The following SLC24A2 variants were observed in gnomAD, a reference collection of about 807,000 sequenced individuals.
The protein encoded by SLC24A2 is sodium/potassium/calcium exchanger 2.
SLC24A2 carries 36 observed loss-of-function variants against 62.0 expected under a neutral mutation model. The observed-to-expected ratio is 0.58, with a 90% CI of 0.44 to 0.77. The LOEUF (loss-of-function observed/expected upper bound fraction) is 0.77, where lower values mean the gene tolerates loss of function less well. Among genes scored for constraint, SLC24A2 ranks in the 30% least tolerant of loss-of-function variants. The probability of loss-of-function intolerance (pLI) is 0.00; values close to 1 mark genes in which losing one functional copy is unlikely to be tolerated. For missense variants in SLC24A2, 846 were observed against 817.9 expected (o/e 1.03, Z -0.42); for synonymous variants, 358 against 294.0 (o/e 1.22, Z -2.23).
chr9:19,515,094 A>G lies in SLC24A2; in HGVS notation c.*1059T>C, dbSNP rs1238629556. 6.6e-6 allele frequency: 1 copy of G among 152,144 alleles called. No homozygotes were observed. Among genetic ancestry groups the G allele is most frequent in the African/African-American group, 2.4e-5 (1 of 41,430 alleles). The allele number at this position is 152,144 out of a possible 1,614,324, so 9.4% of individuals were successfully genotyped here. On this transcript the variant is annotated 3_prime_UTR_variant, in exon 11 of 11. Transcript: ENST00000341998. ...AGCATCAAAATATATCTACATGACAATCACAGCTAAACTTACCCCTCTTCT... is the reference window on the plus strand; with the variant it reads ...AGCATCAAAATATATCTACATGACAGTCACAGCTAAACTTACCCCTCTTCT...
At chr9:20,065,619 A>G in the SLC24A2 span, among the ~76,000 whole-genome samples, 7 of 152,316 alleles carry the variant, frequency 4.6e-5, no homozygotes, top group South Asian at 1.5e-3. Flanking sequence ...GGGTTCAAAA[A>G]TCTTTTTTGC....
chr9:19,567,382 T>TA (rs1291163510), intron 7 of SLC24A2, among the ~76,000 whole-genome samples: 1 of 151,264 alleles, frequency 6.6e-6, no homozygotes, highest in Non-Finnish European at 1.5e-5. Flanking sequence ...CTGTCTCTAC[T>TA]AAAAATACAA....
the SLC24A2 span, among the ~76,000 whole-genome samples, chr9:20,175,266 G>A: frequency 8.6e-4 from 130 of 151,876 alleles, no homozygotes; most frequent in African/African-American, 2.8e-3. Flanking sequence ...GATAAAAAAC[G>A]ACAAATTGGG....
the SLC24A2 span, among the ~76,000 whole-genome samples, chr9:20,018,545 CCTT>C: frequency 2.0e-5 from 3 of 152,062 alleles, no homozygotes; most frequent in Non-Finnish European, 2.9e-5. Context: ...TCCATTTTCT[CCTT>C]CTTCTTCATG....
the SLC24A2 span, among the ~76,000 whole-genome samples, chr9:19,845,216 TA>T: frequency 6.6e-6 from 1 of 152,182 alleles, no homozygotes; most frequent in African/African-American, 2.4e-5. Flanking sequence ...ATTCTCCTTG[TA>T]AAGATCTTTC....
At chr9:20,133,356 T>C in the SLC24A2 span, among the ~76,000 whole-genome samples, 1 of 152,116 alleles carries the variant, frequency 6.6e-6, no homozygotes, top group Non-Finnish European at 1.5e-5. Context: ...ACATAAAATA[T>C]CTCACAGGGC....
the SLC24A2 span, among the ~76,000 whole-genome samples, chr9:19,992,551 T>C: frequency 8.5e-5 from 13 of 152,206 alleles, no homozygotes; most frequent in Non-Finnish European, 1.5e-4. Flanking sequence ...GTTCATTAAC[T>C]GATTAAAAAC....
chr9:19,728,272 A>G (rs1297020176), intron 2 of SLC24A2, among the ~76,000 whole-genome samples: 1 of 151,382 alleles, frequency 6.6e-6, no homozygotes, highest in Non-Finnish European at 1.5e-5. Context: ...GTTGCTTCGT[A>G]TGACTGGCAT....
the SLC24A2 span, among the ~76,000 whole-genome samples, chr9:19,952,902 A>C: frequency 6.6e-6 from 1 of 151,906 alleles, no homozygotes; most frequent in Non-Finnish European, 1.5e-5. Context: ...ATGTTTGATA[A>C]GGTTTATAAT....
rs550911162 is a variant in SLC24A2, at chr9:19,617,235, G to A, written c.1078+2349C>T. On this transcript the variant is annotated intron_variant, in intron 4 of 10. Coordinates refer to ENST00000341998, the MANE Select transcript of SLC24A2 (RefSeq NM_020344.4). ...AGTTCGCAATAGGGTTCGGCCCCCT[G>A]TGAGAATCTAATGCAAATGCTGATT... 1.5e-4 allele frequency among the ~76,000 whole-genome samples: 23 copies of A among 152,298 alleles called. No individual in the cohort carries two copies. In the South Asian group the frequency reaches 3.7e-3, roughly 25 times the overall value.
At chr9:19,836,317 T>C in the SLC24A2 span, among the ~76,000 whole-genome samples, 2 of 151,700 alleles carry the variant, frequency 1.3e-5, no homozygotes, top group African/African-American at 4.8e-5. Flanking sequence ...TCAACAAAAT[T>C]GATAGACCAC....
chr9:20,270,820 T>C, the SLC24A2 span, among the ~76,000 whole-genome samples: 3 of 152,222 alleles, frequency 2.0e-5, no homozygotes, highest in African/African-American at 7.2e-5. Context: ...TTTTATACAA[T>C]AAAAATTTGA....
intron 2 of SLC24A2, among the ~76,000 whole-genome samples, chr9:19,723,214 T>C (rs763836607): frequency 5.3e-5 from 8 of 152,148 alleles, no homozygotes; most frequent in Non-Finnish European, 1.0e-4. Flanking sequence ...TTACAATAAA[T>C]CTCCAAATAG....
the SLC24A2 span, among the ~76,000 whole-genome samples, chr9:20,289,323 T>A: frequency 6.6e-5 from 10 of 152,190 alleles, no homozygotes; most frequent in African/African-American, 2.4e-4. Flanking sequence ...CAATAAATTA[T>A]TGTAATCACC....
At chr9:19,685,898 CA>C (rs1258683653) in intron 2 of SLC24A2, among the ~76,000 whole-genome samples, 3 of 151,898 alleles carry the variant, frequency 2.0e-5, no homozygotes, top group African/African-American at 7.3e-5. Flanking sequence ...ACAAATGCAA[CA>C]AAAACAAAAA....
the SLC24A2 span, among the ~76,000 whole-genome samples, chr9:19,916,850 A>G: frequency 6.6e-6 from 1 of 151,920 alleles, no homozygotes; most frequent in East Asian, 1.9e-4. Flanking sequence ...GATAGATGCT[A>G]TAAGTAGAAT....
chr9:19,977,046 T>C, the SLC24A2 span, among the ~76,000 whole-genome samples: 2 of 152,068 alleles, frequency 1.3e-5, no homozygotes, highest in Non-Finnish European at 2.9e-5. Flanking sequence ...GCAATATGTA[T>C]TTTTTACACA....
At chr9:20,258,366 C>T in the SLC24A2 span, among the ~76,000 whole-genome samples, 1 of 152,116 alleles carries the variant, frequency 6.6e-6, no homozygotes, top group Admixed American at 6.5e-5. Flanking sequence ...ATTGGGCTGC[C>T]CCAGGTTTAT....
At chr9:20,052,300 C>T in the SLC24A2 span, among the ~76,000 whole-genome samples, 3 of 152,278 alleles carry the variant, frequency 2.0e-5, no homozygotes, top group Middle Eastern at 3.4e-3. Flanking sequence ...CTTTCTCCCC[C>T]AACTAAGATG....
Sources: gnomAD v4.1 joint callset for allele counts (sites outside exome capture counted in the v4.1 genomes callset) on GRCh38, gnomAD v4.1.1 for gene constraint, MANE v1.5 for transcripts, NCBI Gene and HGNC (gene_info 2026-07-23, HGNC 2026-07-21) for gene names.